RSPRY1: variants seen among roughly 807,000 people sequenced by gnomAD.
The protein encoded by RSPRY1 is ring finger and SPRY domain containing 1.
Under a neutral mutation model 73.1 loss-of-function variants are expected in RSPRY1, and 23 were observed. The ratio of observed to expected loss-of-function variants is 0.31; its 90% CI spans 0.23 to 0.45. The LOEUF (loss-of-function observed/expected upper bound fraction) is 0.45. Among genes scored for constraint, RSPRY1 ranks in the 20% least tolerant of loss-of-function variants. The pLI, the probability that RSPRY1 is intolerant of heterozygous loss-of-function variation, is 1.00. For synonymous variants in RSPRY1, 226 were observed against 251.4 expected, an observed-to-expected ratio of 0.90 and a Z score of 0.95; for missense variants, 448 against 698.7, an observed-to-expected ratio of 0.64 and a Z score of 4.05.
rs557834486 is a variant in RSPRY1, at chr16:57,227,559, G to A, written c.1273+106G>A. ...AAAATGTCTTAGGAGAAGATCAAATGTGAAAAGGGATATTAACTTTTGTGT... is the reference window on the plus strand; with the variant it reads ...AAAATGTCTTAGGAGAAGATCAAATATGAAAAGGGATATTAACTTTTGTGT... On this transcript the variant is annotated intron_variant, in intron 11 of 14. Coordinates refer to ENST00000394420, the MANE Select transcript of RSPRY1 (RefSeq NM_133368.3). The A allele has an allele frequency of 4.4e-5, 34 of 765,376 alleles. No individual in the cohort carries two copies. The South Asian group carries it at 4.5e-4, about 10-fold the overall frequency. The allele number at this position is 765,376 out of a possible 1,614,324, so 47.4% of individuals were successfully genotyped here.
chr16:57,218,720 C>CTTTTT lies in RSPRY1; in HGVS notation c.901+1714_901+1718dup, dbSNP rs869295634. Among the ~76,000 whole-genome samples, 101 of 41,138 alleles carry CTTTTT rather than the reference C, an allele frequency of 2.5e-3. 9 individuals are homozygous for CTTTTT. The highest frequency in any genetic ancestry group is 2.4e-3 in the Non-Finnish European group (61 of 25,306). 27.0% of individuals were successfully genotyped at this position (41,138 alleles called of 152,430 possible). A position where few individuals can be genotyped will look rare whatever the true frequency, so the allele number is the denominator to read the frequency against. ...CCATTTTGTATATGTGCCACATTTT[C>CTTTTT]TTTTTTTTTTTTTTTTTTTTTTTTT... On this transcript the variant is annotated intron_variant, in intron 8 of 14. Coordinates refer to ENST00000394420, the MANE Select transcript of RSPRY1 (RefSeq NM_133368.3).
intron 8 of RSPRY1, chr16:57,219,797 A>G (rs1267614028): frequency 6.6e-6 from 1 of 152,166 alleles, no homozygotes; most frequent in Non-Finnish European, 1.5e-5. Flanking sequence ...GAGGTCTTAG[A>G]TTTAAATCTT....
chr16:57,199,896 T>TTTTTTTTTTTTTTTTG (rs1567487605), intron 1 of RSPRY1, among the ~76,000 whole-genome samples: 1 of 10,010 alleles, frequency 1.0e-4, no homozygotes, highest in Non-Finnish European at 1.0e-3. Context: ...TTTTTGTTTG[T>TTTTTTTTTTTTTTTTG]TTTTTTTTTT....
chr16:57,220,805 T>C lies in RSPRY1; in HGVS notation c.975T>C (p.Asn325=), dbSNP rs2075022399. Residue 325 remains asparagine (N), a synonymous_variant, in exon 9 of 15, where the codon AAT becomes AAC. Transcript: ENST00000394420. ...LSSIRAMLNS[N]DVSEYLKISP... ...GCATTAGGGCCATGCTGAATAGCAA[T>C]GATGTCAGCGAGTACCTGAAGATCT... 1.2e-6 allele frequency: 2 copies of C among 1,613,866 alleles called. No individual in the cohort carries two copies. The highest frequency in any genetic ancestry group is 3.3e-5 in the Admixed American group (2 of 60,008).
intron 1 of RSPRY1, among the ~76,000 whole-genome samples, chr16:57,193,755 C>CT (rs2074390577): frequency 1.3e-5 from 2 of 152,146 alleles, no homozygotes; most frequent in Admixed American, 1.3e-4. Flanking sequence ...AAACTCAGCA[C>CT]GTTACTGTGC....
At chr16:57,216,664 G>T (rs1197703687) in intron 7 of RSPRY1, among the ~76,000 whole-genome samples, 1 of 152,148 alleles carries the variant, frequency 6.6e-6, no homozygotes, top group Non-Finnish European at 1.5e-5. Flanking sequence ...AGGTTACAGT[G>T]ATCCATAGTT....
intron 1 of RSPRY1, among the ~76,000 whole-genome samples, chr16:57,201,942 G>A (rs1361936982): frequency 1.3e-5 from 2 of 152,180 alleles, no homozygotes; most frequent in African/African-American, 4.8e-5. Flanking sequence ...ATCAGGGGGA[G>A]ACCGTGGAAA....
At chr16:57,200,957 G>GC (rs1378696763) in intron 1 of RSPRY1, among the ~76,000 whole-genome samples, 1 of 135,378 alleles carries the variant, frequency 7.4e-6, no homozygotes, top group Non-Finnish European at 1.7e-5. Flanking sequence ...CGGGGGGGGG[G>GC]GGGGCTGACC....
Position 57,229,690 on chromosome 16 carries a change from C to CTTTTTTT in RSPRY1, c.1274-994_1274-988dup, listed in dbSNP as rs1162737560. 7.1e-4 allele frequency among the ~76,000 whole-genome samples: 30 copies of CTTTTTTT among 42,144 alleles called. 8 individuals are homozygous for CTTTTTTT. The highest frequency in any genetic ancestry group is 6.6e-3 in the East Asian group (7 of 1,064). 27.6% of individuals were successfully genotyped at this position (42,144 alleles called of 152,430 possible). A position where few individuals can be genotyped will look rare whatever the true frequency, so the allele number is the denominator to read the frequency against. ...TTTATCTGATAAGTGAAGATAAATG[C>CTTTTTTT]TTTTTTTTTTTTTTTTTTTTTTTTT... On this transcript the variant is annotated intron_variant, in intron 11 of 14. Transcript: ENST00000394420.
chr16:57,192,391 A>G (rs532371743), intron 1 of RSPRY1, among the ~76,000 whole-genome samples: 2 of 152,194 alleles, frequency 1.3e-5, no homozygotes, highest in African/African-American at 2.4e-5. Flanking sequence ...CTGTACTGCA[A>G]CCGTCATAAG....
rs1160991513 is a variant in RSPRY1, at chr16:57,186,405, C to G, written c.-202C>G. The stretch of plus-strand genomic sequence containing the variant: ...TCGGACCTGTCACAAAGGAGTCGCG[C>G]CGCCGCCGCCGCCCCCTCCCTCCGG... On this transcript the variant is annotated 5_prime_UTR_variant, in exon 1 of 15. Coordinates refer to ENST00000394420, the MANE Select transcript of RSPRY1 (RefSeq NM_133368.3). The G allele has an allele frequency of 6.3e-6, 1 of 157,668 alleles. No homozygotes were observed. Among genetic ancestry groups the G allele is most frequent in the Non-Finnish European group, 1.4e-5 (1 of 71,892 alleles). 9.8% of individuals were successfully genotyped at this position (157,668 alleles called of 1,614,324 possible).
At chr16:57,201,176 G>A (rs2074591459) in intron 1 of RSPRY1, among the ~76,000 whole-genome samples, 1 of 151,750 alleles carries the variant, frequency 6.6e-6, no homozygotes, top group East Asian at 1.9e-4. Context: ...TGGCTGCCAG[G>A]TGGAGGGGCT....
At chr16:57,209,812 C>T (rs1395558674) in intron 4 of RSPRY1, among the ~76,000 whole-genome samples, 1 of 151,618 alleles carries the variant, frequency 6.6e-6, no homozygotes, top group African/African-American at 2.4e-5. Flanking sequence ...GTAGCTGGGA[C>T]CATAGGTGCA....
At position 57,205,026 on chromosome 16, in the gene RSPRY1, G is replaced by C. The variant is rs778992079; in HGVS notation, c.350+18G>C. Reference sequence around the variant, plus strand: ...GTAGATAAGTAAGTATCTGACTCACGGTCACCTCCAGTGGAATGAAAAGTG... The same window carrying C: ...GTAGATAAGTAAGTATCTGACTCACCGTCACCTCCAGTGGAATGAAAAGTG... On this transcript the variant is annotated intron_variant, in intron 2 of 14. Transcript: ENST00000394420. 10 of 1,577,614 alleles carry C rather than the reference G, an allele frequency of 6.3e-6. No homozygotes were observed. Among genetic ancestry groups the C allele is most frequent in the Non-Finnish European group, 8.7e-6 (10 of 1,151,868 alleles).
At position 57,208,401 on chromosome 16, in the gene RSPRY1, T is replaced by TA. The variant is rs1491130630; in HGVS notation, c.403+291_403+292insA. On this transcript the variant is annotated intron_variant, in intron 3 of 14. Coordinates refer to ENST00000394420, the MANE Select transcript of RSPRY1 (RefSeq NM_133368.3). ...TTATATATATATATATATATATATA[T>TA]TTTTTTTTTTTTTTGAGACAGAGTC... is the stretch of plus-strand genomic sequence containing the variant. Among the ~76,000 whole-genome samples, 57 of 36,614 alleles carry TA rather than the reference T, an allele frequency of 1.6e-3. No homozygotes were observed. In the East Asian group the frequency reaches 0.024, roughly 15 times the overall value. The allele number at this position is 36,614 out of a possible 152,430, so 24.0% of individuals were successfully genotyped here. A position where few individuals can be genotyped will look rare whatever the true frequency, so the allele number is the denominator to read the frequency against.
chr16:57,208,768 T>G (rs1299863138), intron 3 of RSPRY1, among the ~76,000 whole-genome samples: 1 of 152,160 alleles, frequency 6.6e-6, no homozygotes, highest in South Asian at 2.1e-4. Context: ...TGAGTATACT[T>G]CATTTTCTCA....
intron 14 of RSPRY1, among the ~76,000 whole-genome samples, chr16:57,238,567 A>T (rs2075334994): frequency 6.6e-6 from 1 of 152,242 alleles, no homozygotes; most frequent in Non-Finnish European, 1.5e-5. Flanking sequence ...ATTCTGGGAT[A>T]AATGGCTAGC....
chr16:57,238,457 A>C (rs986389207), intron 14 of RSPRY1, among the ~76,000 whole-genome samples: 1 of 152,250 alleles, frequency 6.6e-6, no homozygotes, highest in Non-Finnish European at 1.5e-5. Context: ...AATGGAATAC[A>C]ATAAAAGCCC....
chr16:57,235,266 C>T (rs781501203), intron 14 of RSPRY1, 38 bp downstream of exon 14: 5 of 1,408,242 alleles, frequency 3.6e-6, no homozygotes, highest in Non-Finnish European at 4.0e-6. Flanking sequence ...TCATACTGTT[C>T]TTAAATTGCT....
Sources: gnomAD v4.1 joint callset for allele counts (sites outside exome capture counted in the v4.1 genomes callset) on GRCh38, gnomAD v4.1.1 for gene constraint, MANE v1.5 for transcripts, NCBI Gene and HGNC (gene_info 2026-07-23, HGNC 2026-07-21) for gene names.